Variants in ABHD1 observed in about 807,000 individuals in gnomAD.
ABHD1 encodes abhydrolase domain containing 1, also known as protein ABHD1.
Under a neutral mutation model 41.4 loss-of-function variants are expected in ABHD1, and 47 were observed. That is an observed-to-expected ratio of 1.13 (90% confidence interval 0.90 to 1.45). The LOEUF is 1.45. ABHD1 is among the 40% of genes most tolerant of loss of function. ABHD1 has a pLI of 0.00. For synonymous variants in ABHD1, 205 were observed against 203.7 expected, an observed-to-expected ratio of 1.01 and a Z score of -0.05; for missense variants, 550 against 503.4, an observed-to-expected ratio of 1.09 and a Z score of -0.89.
intron 1 of ABHD1, 133 bp from the exon 2 acceptor site, chr2:27,128,308 T>C (rs761235739): frequency 1.9e-6 from 2 of 1,055,340 alleles, no homozygotes; most frequent in East Asian, 2.4e-5. Flanking sequence ...GTGCTGAGTA[T>C]CTCACATGCA....
chr2:27,124,105 G>T lies in ABHD1; in HGVS notation c.114+43G>T, dbSNP rs746910638. The T allele has an allele frequency of 2.6e-6, 4 of 1,567,886 alleles. No homozygotes were observed. In the South Asian group the frequency reaches 4.4e-5, roughly 17 times the overall value. On this transcript the variant is annotated intron_variant, in intron 1 of 8. Transcript: ENST00000316470. Reference sequence around the variant, plus strand: ...GCTCTGGCCAGCGGGTTTGGGTGTAGGGGGCAGCTTCCAGACACGGGCTTG... The same window carrying T: ...GCTCTGGCCAGCGGGTTTGGGTGTATGGGGCAGCTTCCAGACACGGGCTTG...
At chr2:27,130,033 G>A in intron 6 of ABHD1, 72 bp from the exon 7 acceptor site, 16 of 1,611,200 alleles carry the variant, frequency 9.9e-6, no homozygotes, top group Non-Finnish European at 1.4e-5. Flanking sequence ...TCACACATGA[G>A]ATAGTAAGAC....
chr2:27,127,213 G>A (rs2148410497), intron 1 of ABHD1, among the ~76,000 whole-genome samples: 1 of 146,542 alleles, frequency 6.8e-6, no homozygotes, highest in African/African-American at 2.5e-5. Flanking sequence ...GTCAGTCTTA[G>A]GAAGAAGACA....
chr2:27,124,224 G>A lies in ABHD1; in HGVS notation c.114+162G>A, dbSNP rs1671862764. On this transcript the variant is annotated intron_variant, in intron 1 of 8. Coordinates refer to ENST00000316470, the MANE Select transcript of ABHD1 (RefSeq NM_032604.4). ...TCGGCTCTGCCTCTCTAGTGCCTCT[G>A]CATCCCATGTGATCCCCATGCCAGC... is the stretch of plus-strand genomic sequence containing the variant. 8.3e-6 allele frequency: 6 copies of A among 725,802 alleles called. No homozygotes were observed. The African/African-American group carries it at 1.0e-4, about 13-fold the overall frequency. The allele number at this position is 725,802 out of a possible 1,614,324, so 45.0% of individuals were successfully genotyped here.
In ABHD1 at chr2:27,130,723, T is replaced by C. The variant is rs746930675; in HGVS notation, c.1197T>C (p.Pro399=). 1.2e-6 allele frequency: 2 copies of C among 1,614,200 alleles called. No individual in the cohort carries two copies. The highest frequency in any genetic ancestry group is 1.7e-6 in the Non-Finnish European group (2 of 1,180,020). Residue 399 remains proline, a synonymous_variant, in exon 9 of 9, where the codon CCT becomes CCC. Coordinates refer to ENST00000316470, the MANE Select transcript of ABHD1 (RefSeq NM_032604.4). ...EGLPDLRALL[P]SEDRNS ...TGCCTGACCTCAGGGCTCTCTTACCTTCTGAGGACAGAAACAGCTGACAAG... is the reference window on the plus strand; with the variant it reads ...TGCCTGACCTCAGGGCTCTCTTACCCTCTGAGGACAGAAACAGCTGACAAG...
In ABHD1 at chr2:27,129,002, T is replaced by C. The variant is rs111731037; in HGVS notation, c.333T>C (p.Pro111=). 1 of 1,614,204 alleles carries C rather than the reference T, an allele frequency of 6.2e-7. No individual in the cohort carries two copies. Among genetic ancestry groups the C allele is most frequent in the Non-Finnish European group, 8.5e-7 (1 of 1,180,028 alleles). ...GQLLLDWAKQ[P]DSSQDPDPTT... ...TCCTGCTAGACTGGGCCAAGCAGCC[T>C]GACAGCAGCCAAGACCCTGATCCTA... Residue 111 remains proline (P), a synonymous_variant, in exon 3 of 9, where the codon CCT becomes CCC. Coordinates refer to ENST00000316470, the MANE Select transcript of ABHD1 (RefSeq NM_032604.4).
chr2:27,124,123 C>G, intron 1 of ABHD1, 61 bp downstream of exon 1: 1 of 1,477,036 alleles, frequency 6.8e-7, no homozygotes. Flanking sequence ...CTTCCAGACA[C>G]GGGCTTGGGC....
At chr2:27,126,131 T>G (rs1236276308) in intron 1 of ABHD1, 2 of 152,180 alleles carry the variant, frequency 1.3e-5, no homozygotes, top group Admixed American at 1.3e-4. Flanking sequence ...GTTATGAAAA[T>G]CACAAGACAA....
chr2:27,124,121 C>A (rs1671855858), intron 1 of ABHD1, 59 bp downstream of exon 1: 2 of 1,501,332 alleles, frequency 1.3e-6, no homozygotes, highest in Non-Finnish European at 1.9e-6. Flanking sequence ...AGCTTCCAGA[C>A]ACGGGCTTGG....
intron 1 of ABHD1, among the ~76,000 whole-genome samples, chr2:27,127,152 T>G (rs115689430): frequency 6.9e-6 from 1 of 145,854 alleles, no homozygotes; most frequent in Non-Finnish European, 1.5e-5. Flanking sequence ...CATTAGAGAA[T>G]AGGAATATAC....
intron 1 of ABHD1, chr2:27,124,874 C>T (rs1452527242): frequency 6.5e-6 from 1 of 152,794 alleles, no homozygotes; most frequent in Non-Finnish European, 1.5e-5. Flanking sequence ...GGTGTGGTGG[C>T]TCACGCCTGT....
intron 1 of ABHD1, 96 bp from the exon 2 acceptor site, chr2:27,128,345 C>A: frequency 2.0e-6 from 3 of 1,481,354 alleles, no homozygotes; most frequent in Non-Finnish European, 2.8e-6. Context: ...CCAGGCTGGG[C>A]TCTGGAGAGG....
Position 27,130,369 on chromosome 2 carries a change from C to G in ABHD1, c.959C>G (p.Pro320Arg). The G allele has an allele frequency of 1.2e-6, 2 of 1,614,234 alleles. No individual in the cohort carries two copies. The highest frequency in any genetic ancestry group is 8.5e-7 in the Non-Finnish European group (1 of 1,180,052). ...PRTKIDAIRI[P>R]VLYLSAADDP... The stretch of plus-strand genomic sequence containing the variant: ...ACCAAGATAGATGCCATCCGGATCC[C>G]TGTGCTCTATCTCAGTGCAGCAGAT... Residue 320 changes from proline to arginine, a missense_variant, in exon 8 of 9, where the codon CCT becomes CGT. Transcript: ENST00000316470.
intron 1 of ABHD1, chr2:27,125,783 C>T (rs1032457870): frequency 2.6e-5 from 4 of 151,956 alleles, no homozygotes; most frequent in African/African-American, 9.7e-5. Context: ...AGCCTGTCAT[C>T]CCAGCCACTC....
chr2:27,124,305 G>C, intron 1 of ABHD1: 1 of 610,114 alleles, frequency 1.6e-6, no homozygotes, highest in Non-Finnish European at 3.1e-6. Flanking sequence ...AAGCATTTGG[G>C]GAAAGGTGGG....
intron 1 of ABHD1, 101 bp downstream of exon 1, chr2:27,124,163 C>T (rs762243198): frequency 1.7e-5 from 19 of 1,095,054 alleles, no homozygotes; most frequent in Non-Finnish European, 2.2e-5. Flanking sequence ...GGTTGGGCTT[C>T]CCCACAGGTG....
chr2:27,130,677 T>C lies in ABHD1; in HGVS notation c.1151T>C (p.Ile384Thr). 6.2e-7 allele frequency: 1 copy of C among 1,614,208 alleles called. No individual in the cohort carries two copies. Among genetic ancestry groups the C allele is most frequent in the Non-Finnish European group, 8.5e-7 (1 of 1,180,038 alleles). ...SRLLHQYAKA[I>T]FQDPEGLPDL... ...CTCTTGCATCAGTACGCCAAAGCCA[T>C]CTTCCAGGACCCAGAGGGGCTGCCT... Residue 384 changes from isoleucine (I) to threonine (T), a missense_variant, in exon 9 of 9, where the codon ATC becomes ACC. Physicochemically the swap from Ile to Thr is moderately conservative, Grantham distance 89 (BLOSUM62 -1). Transcript: ENST00000316470.
Position 27,130,395 on chromosome 2 carries a change from G to A in ABHD1, c.985G>A (p.Asp329Asn), listed in dbSNP as rs763617083. ...TGTGCTCTATCTCAGTGCAGCAGAT[G>A]ACCCCTTCTCCCCCGTCTGTGGTGA... ...IPVLYLSAAD[D>N]PFSPVCALPI... The change falls in exon 8 of 9, where the codon GAC (aspartate) becomes AAC (asparagine). Residue 329 changes from aspartate to asparagine, a missense_variant. Physicochemically the swap from Asp to Asn is conservative, Grantham distance 23. Coordinates refer to ENST00000316470, the MANE Select transcript of ABHD1 (RefSeq NM_032604.4). 2.5e-6 allele frequency: 4 copies of A among 1,614,162 alleles called. No homozygotes were observed. Among genetic ancestry groups the A allele is most frequent in the South Asian group, 1.1e-5 (1 of 91,084 alleles).
In ABHD1 at chr2:27,123,834, A is replaced by T; in HGVS notation, c.-115A>T. ...GGGGCCAGCAGCGCAAACTGCCTGC[A>T]GCGGGGACCGGACCTGCACAGGCCG... is the stretch of plus-strand genomic sequence containing the variant. On this transcript the variant is annotated 5_prime_UTR_variant, in exon 1 of 9. Coordinates refer to ENST00000316470, the MANE Select transcript of ABHD1 (RefSeq NM_032604.4). 1 of 835,386 alleles carries T rather than the reference A, an allele frequency of 1.2e-6. No individual in the cohort carries two copies. Among genetic ancestry groups the T allele is most frequent in the South Asian group, 1.5e-5 (1 of 64,696 alleles). 51.7% of individuals were successfully genotyped at this position (835,386 alleles called of 1,614,324 possible).
Sources: gnomAD v4.1 joint callset for allele counts (sites outside exome capture counted in the v4.1 genomes callset) on GRCh38, gnomAD v4.1.1 for gene constraint, MANE v1.5 for transcripts, NCBI Gene and HGNC (gene_info 2026-07-23, HGNC 2026-07-21) for gene names.